The following PPP1R21 variants were observed in gnomAD, a reference collection of about 807,000 sequenced individuals.
PPP1R21 encodes KLRAQ motif containing 1.
PPP1R21 carries 85 observed loss-of-function variants against 112.8 expected under a neutral mutation model. The ratio of observed to expected loss-of-function variants is 0.75; its 90% CI spans 0.63 to 0.90. The LOEUF (loss-of-function observed/expected upper bound fraction) is 0.90. PPP1R21 is among the 40% of genes least tolerant of loss of function. The pLI, the probability that PPP1R21 is intolerant of heterozygous loss-of-function variation, is 0.00. For missense variants in PPP1R21, 1,199 were observed against 901.5 expected (o/e 1.33, Z -4.23); for synonymous variants, 381 against 322.3 (o/e 1.18, Z -1.95).
At chr2:48,443,409 G>T (rs1323447073) in intron 1 of PPP1R21, among the ~76,000 whole-genome samples, 1 of 152,196 alleles carries the variant, frequency 6.6e-6, no homozygotes, top group African/African-American at 2.4e-5. Flanking sequence ...TGGAAGTAAT[G>T]GCTGAAACTT....
intron 2 of PPP1R21, 189 bp from the exon 3 acceptor site, chr2:48,454,406 G>T: frequency 1.6e-6 from 1 of 623,234 alleles, no homozygotes; most frequent in Non-Finnish European, 2.8e-6. Context: ...ATATTTACTT[G>T]GTTTAGCCAA....
chr2:48,475,245 C>G (rs1396950474), intron 12 of PPP1R21, among the ~76,000 whole-genome samples: 1 of 151,860 alleles, frequency 6.6e-6, no homozygotes, highest in Admixed American at 6.6e-5. Flanking sequence ...CCCAGCTACT[C>G]TGGAGGCTGA....
intron 2 of PPP1R21, among the ~76,000 whole-genome samples, chr2:48,454,263 A>AAAATAAATAAAT (rs369243414): frequency 4.0e-4 from 60 of 151,286 alleles, no homozygotes; most frequent in Non-Finnish European, 5.9e-4. Flanking sequence ...TCTGTCTCAA[A>AAAATAAATAAAT]AAATAAATAA....
At chr2:48,470,335 T>A (rs1401153465) in intron 9 of PPP1R21, among the ~76,000 whole-genome samples, 1 of 151,948 alleles carries the variant, frequency 6.6e-6, no homozygotes, top group Non-Finnish European at 1.5e-5. Context: ...CTGGCCAACA[T>A]GGTGAAAGCC....
chr2:48,446,304 T>G (rs1343958993), intron 1 of PPP1R21, among the ~76,000 whole-genome samples: 1 of 152,116 alleles, frequency 6.6e-6, no homozygotes, highest in Non-Finnish European at 1.5e-5. Context: ...ATGAGAGAAG[T>G]CATAGTGAGC....
chr2:48,467,639 C>T (rs1330832205), intron 9 of PPP1R21, among the ~76,000 whole-genome samples: 1 of 152,310 alleles, frequency 6.6e-6, no homozygotes, highest in East Asian at 1.9e-4. Flanking sequence ...TGGCAGCTAA[C>T]ATTTCTCATA....
intron 1 of PPP1R21, chr2:48,441,363 T>C (rs1463826614): frequency 2.9e-6 from 1 of 348,426 alleles, no homozygotes; most frequent in Non-Finnish European, 5.5e-6. Flanking sequence ...ACCTCGCTGC[T>C]TCCTCAATTT....
intron 7 of PPP1R21, among the ~76,000 whole-genome samples, chr2:48,462,843 T>G (rs568551711): frequency 6.6e-6 from 1 of 152,282 alleles, no homozygotes; most frequent in South Asian, 2.1e-4. Context: ...CAAAGACTAT[T>G]GTGATGATAG....
intron 12 of PPP1R21, 57 bp from the exon 13 acceptor site, chr2:48,479,867 A>G (rs554369473): frequency 2.4e-5 from 25 of 1,023,854 alleles, no homozygotes; most frequent in African/African-American, 2.2e-4. Context: ...GTAGAGGGAT[A>G]CAATGGGCAG....
rs962627120 is a variant in PPP1R21 at position 48,507,077 on chromosome 2, C to G, written c.1969-192C>G. 5 of 716,842 alleles carry G rather than the reference C, an allele frequency of 7.0e-6. No homozygotes were observed. In the African/African-American group the frequency reaches 7.5e-5, roughly 11 times the overall value. The allele number at this position is 716,842 out of a possible 1,614,324, so 44.4% of individuals were successfully genotyped here. A position where few individuals can be genotyped will look rare whatever the true frequency, so the allele number is the denominator to read the frequency against. On this transcript the variant is annotated intron_variant, in intron 18 of 21. Coordinates refer to ENST00000294952, the MANE Select transcript of PPP1R21 (RefSeq NM_001135629.3). ...AACTTCATTCTGAAATAGAAAGATG[C>G]TAAATAAAAGAAATTTGGAATATAC...
At position 48,467,155 on chromosome 2, in the gene PPP1R21, C is replaced by G. The variant is rs532778994; in HGVS notation, c.897+1513C>G. 1.7e-4 allele frequency among the ~76,000 whole-genome samples: 26 copies of G among 152,196 alleles called. 1 individual carries two copies. The highest frequency in any genetic ancestry group is 6.3e-4 in the African/African-American group (26 of 41,522). Reference sequence around the variant, plus strand: ...ATGGAGTGGGAGACACACTGCTTATCCAGTTGAGCTTGGGGGGCATTTTCA... The same window carrying G: ...ATGGAGTGGGAGACACACTGCTTATGCAGTTGAGCTTGGGGGGCATTTTCA... On this transcript the variant is annotated intron_variant, in intron 9 of 21. Transcript: ENST00000294952.
intron 11 of PPP1R21, among the ~76,000 whole-genome samples, chr2:48,472,239 C>CAAAAAA (rs57711610): frequency 7.7e-4 from 33 of 43,044 alleles, no homozygotes; most frequent in East Asian, 1.9e-3. Context: ...GACTCCATCT[C>CAAAAAA]AAAAAAAAAA....
intron 13 of PPP1R21, among the ~76,000 whole-genome samples, chr2:48,483,729 C>G (rs569412871): frequency 3.3e-5 from 5 of 152,128 alleles, no homozygotes; most frequent in South Asian, 2.1e-4. Context: ...CGTGAGGTAC[C>G]GCGCCTGGCC....
At chr2:48,459,316 T>C (rs921614954) in intron 4 of PPP1R21, among the ~76,000 whole-genome samples, 4 of 152,182 alleles carry the variant, frequency 2.6e-5, no homozygotes, top group African/African-American at 9.7e-5. Context: ...GCTTTACCTG[T>C]TTTAAGAATA....
intron 14 of PPP1R21, among the ~76,000 whole-genome samples, chr2:48,487,671 G>A (rs1669369605): frequency 6.6e-6 from 1 of 151,628 alleles, no homozygotes; most frequent in African/African-American, 2.4e-5. Context: ...TGAGGTAGGA[G>A]GATTGCTTGA....
rs1669959031 is a variant in PPP1R21, at chr2:48,498,645, G to A, written c.1845G>A (p.Leu615=). ...CAGGTAGTGCCCAGCTGGTTGGGCT[G>A]GCCCAGGAAAATGCTGCTGTGTCAA... ...KNTGSAQLVG[L]AQENAAVSNT... Residue 615 remains leucine (L), a synonymous_variant, in exon 17 of 22, where the codon CTG becomes CTA. Transcript: ENST00000294952. 6.2e-7 allele frequency: 1 copy of A among 1,614,234 alleles called. No homozygotes were observed. Among genetic ancestry groups the A allele is most frequent in the African/African-American group, 1.3e-5 (1 of 75,064 alleles).
intron 1 of PPP1R21, 71 bp from the exon 2 acceptor site, chr2:48,450,937 A>G: frequency 7.6e-7 from 1 of 1,308,046 alleles, no homozygotes. Context: ...TGCCTGTAAA[A>G]TTGATGTGAT....
intron 8 of PPP1R21, 60 bp downstream of exon 8, chr2:48,465,049 C>T (rs1371166931): frequency 1.5e-6 from 2 of 1,359,080 alleles, no homozygotes; most frequent in African/African-American, 1.5e-5. Flanking sequence ...TTTCCAGAAA[C>T]AAGAATTAGT....
chr2:48,459,367 TTAG>T (rs1667879368), intron 4 of PPP1R21, among the ~76,000 whole-genome samples: 1 of 152,212 alleles, frequency 6.6e-6, no homozygotes, highest in Non-Finnish European at 1.5e-5. Context: ...GAAAGTTAGC[TTAG>T]TAGAAAAGTT....
Sources: allele counts gnomAD v4.1 joint callset (sites outside exome capture counted in the v4.1 genomes callset), GRCh38; gene constraint gnomAD v4.1.1; transcripts MANE v1.5; gene names NCBI Gene and HGNC (gene_info 2026-07-23, HGNC 2026-07-21).